The following NIBAN3 variants were observed in gnomAD, a reference collection of about 807,000 sequenced individuals.
NIBAN3 encodes the protein protein Niban 3.
A neutral mutation model predicts 76.4 loss-of-function variants in NIBAN3; 66 were observed. The ratio of observed to expected loss-of-function variants is 0.86; its 90% CI spans 0.71 to 1.06. The LOEUF (loss-of-function observed/expected upper bound fraction) is 1.06. Among genes scored for constraint, NIBAN3 ranks in the 50% least tolerant of loss-of-function variants. The pLI, the probability that NIBAN3 is intolerant of heterozygous loss-of-function variation, is 0.00. For missense variants in NIBAN3, 808 were observed against 810.7 expected (o/e 1.00, Z 0.04); for synonymous variants, 360 against 355.2 (o/e 1.01, Z -0.15).
In NIBAN3 at chr19:17,540,547, C is replaced by A. The variant is rs1191389891; in HGVS notation, c.1135C>A (p.Arg379Ser). The A allele has an allele frequency of 3.2e-6, 5 of 1,557,222 alleles. No individual in the cohort carries two copies. The highest frequency in any genetic ancestry group is 4.3e-6 in the Non-Finnish European group (5 of 1,150,998). Reference protein sequence around the residue: ...QGMDRLSHRLRQSPSGTRLRR... With the variant: ...QGMDRLSHRLSQSPSGTRLRR... ...CATGGACCGACTGTCCCACCGCCTG[C>A]GCCAGAGCCCCTCAGGCACGCGGCT... Residue 379 changes from arginine to serine, a missense_variant, in exon 9 of 15, where the codon CGC becomes AGC. Transcript: ENST00000599164.
rs2075902776 is a variant in NIBAN3 at position 17,539,704 on chromosome 19, G to A, written c.918G>A (p.Thr306=). 1.3e-6 allele frequency: 2 copies of A among 1,550,414 alleles called. No homozygotes were observed. Among genetic ancestry groups the A allele is most frequent in the Non-Finnish European group, 8.7e-7 (1 of 1,148,626 alleles). The change falls in exon 8 of 15, where the codon ACG becomes ACA. Residue 306 remains threonine, a synonymous_variant. Transcript: ENST00000599164. ...KDELLASLEK[T]IRPDVDQLLR... The stretch of plus-strand genomic sequence containing the variant: ...AGCTGCTTGCGTCGCTGGAGAAGAC[G>A]ATCCGCCCGGACGTGGACCAGCTGC...
At position 17,537,456 on chromosome 19, in the gene NIBAN3, C is replaced by T. The variant is rs148620566; in HGVS notation, c.508C>T (p.Arg170Trp). 5.6e-5 allele frequency: 91 copies of T among 1,613,846 alleles called. 1 individual carries two copies. Among genetic ancestry groups the T allele is most frequent in the Middle Eastern group, 1.7e-4 (1 of 6,012 alleles). ...GCTGTTCCTGCAGCACCCCTTCCGC[C>T]GGCACCTCTGCTTCTCTGCAGCCAC... ...FPLFLQHPFR[R>W]HLCFSAATRE... is the part of the protein sequence containing the mutation. The change falls in exon 5 of 15, where the codon CGG (arginine) becomes TGG (tryptophan). Residue 170 changes from arginine (R) to tryptophan (W), a missense_variant. Physicochemically the swap from Arg to Trp is moderately radical, Grantham distance 101 (BLOSUM62 -3). Transcript: ENST00000599164.
At chr19:17,533,340 G>A (rs2144690859) in intron 3 of NIBAN3, 4 of 392,520 alleles carry the variant, frequency 1.0e-5, no homozygotes, top group East Asian at 4.7e-5. Context: ...AACTTGGGAG[G>A]TGGAGGTTGC....
At chr19:17,536,490 G>A (rs1599725940) in intron 4 of NIBAN3, among the ~76,000 whole-genome samples, 1 of 152,138 alleles carries the variant, frequency 6.6e-6, no homozygotes, top group East Asian at 1.9e-4. Flanking sequence ...CGCCTGGCCT[G>A]GATTGTTGGG....
intron 13 of NIBAN3, among the ~76,000 whole-genome samples, chr19:17,548,761 A>T (rs1449566303): frequency 6.6e-6 from 1 of 152,068 alleles, no homozygotes; most frequent in Non-Finnish European, 1.5e-5. Context: ...CCCCGTCTCT[A>T]CTAAAAATAC....
At chr19:17,550,265 T>C (rs1193801810) in intron 14 of NIBAN3, among the ~76,000 whole-genome samples, 1 of 152,174 alleles carries the variant, frequency 6.6e-6, no homozygotes, top group Non-Finnish European at 1.5e-5. Flanking sequence ...ATTTGGGGGA[T>C]AATTTTTTTA....
rs183802784 is a variant in NIBAN3 at position 17,542,711 on chromosome 19, G to T, written c.1329+417G>T. On this transcript the variant is annotated intron_variant, in intron 10 of 14. Coordinates refer to ENST00000599164, the MANE Select transcript of NIBAN3 (RefSeq NM_001321827.2). This position sits in a 1 kb window ranked among gnomAD's most constrained non-coding sequence, Gnocchi z 4.8. ...GATCGCGCAGTGCCTTGAGCGTGGG[G>T]CTAAGGGGTGAGCTCTTTCCTGAGG... is the stretch of plus-strand genomic sequence containing the variant. Among the ~76,000 whole-genome samples the T allele has an allele frequency of 4.5e-4, 68 of 152,312 alleles. 1 individual carries two copies. The highest frequency in any genetic ancestry group is 1.6e-3 in the African/African-American group (65 of 41,560).
At chr19:17,527,161 G>GTA, upstream of NIBAN3, 1 of 1,502,606 alleles carries the variant, frequency 6.7e-7, no homozygotes, top group East Asian at 2.5e-5. Context: ...CACTGGCTCT[G>GTA]GGCAACACGG....
At chr19:17,538,133 G>C (rs1402490828) in intron 5 of NIBAN3, among the ~76,000 whole-genome samples, 2 of 151,656 alleles carry the variant, frequency 1.3e-5, no homozygotes, top group African/African-American at 4.8e-5. Context: ...TGAAGGACTA[G>C]CCGCTGGGCG....
upstream of NIBAN3, among the ~76,000 whole-genome samples, chr19:17,524,597 A>G (rs1197299737): frequency 1.3e-5 from 2 of 152,184 alleles, no homozygotes; most frequent in Admixed American, 1.3e-4. Flanking sequence ...AAAAACATAA[A>G]TTTTTTTAAA....
intron 5 of NIBAN3, among the ~76,000 whole-genome samples, chr19:17,538,272 C>T (rs1047450614): frequency 2.7e-5 from 4 of 150,822 alleles, no homozygotes; most frequent in East Asian, 4.0e-4. Context: ...AAAAATTAGC[C>T]GAGCGTGGTG....
rs138526761 is a variant in NIBAN3, at chr19:17,553,515, C to G, written c.*1617C>G. On this transcript the variant is annotated 3_prime_UTR_variant, in exon 15 of 15. Transcript: ENST00000599164. ...AGGGACTTTCACACTCCCTGGAGAC[C>G]GTTTCCTCCCATTCTGTCTGGAGTT... 6.2e-7 allele frequency: 1 copy of G among 1,614,072 alleles called. No individual in the cohort carries two copies. The highest frequency in any genetic ancestry group is 1.3e-5 in the African/African-American group (1 of 74,918).
intron 12 of NIBAN3, chr19:17,545,404 AAG>A (rs914535273): frequency 5.7e-6 from 1 of 176,896 alleles, no homozygotes; most frequent in African/African-American, 2.4e-5. Flanking sequence ...GTGCAGAGAC[AAG>A]AGAGTGTAGA....
chr19:17,535,351 C>T (rs546479798), intron 4 of NIBAN3, among the ~76,000 whole-genome samples: 8 of 152,248 alleles, frequency 5.3e-5, no homozygotes, highest in African/African-American at 1.4e-4. Context: ...AAGGCAGAGG[C>T]GGGAGGATCA....
chr19:17,546,810 C>T lies in NIBAN3; in HGVS notation c.1666+13C>T. 1 of 1,581,178 alleles carries T rather than the reference C, an allele frequency of 6.3e-7. No individual in the cohort carries two copies. The highest frequency in any genetic ancestry group is 8.6e-7 in the Non-Finnish European group (1 of 1,164,384). On this transcript the variant is annotated intron_variant, in intron 13 of 14. Transcript: ENST00000599164. ...AGGATTGACCAAGGTGAGTCCCGCC[C>T]TGCCATGGCTCAGAGGAGCCTGGCG...
rs1901955601 is a variant in NIBAN3, at chr19:17,540,424, C to T, written c.1012C>T (p.Arg338Cys). 6.6e-7 allele frequency: 1 copy of T among 1,526,268 alleles called. No individual in the cohort carries two copies. The highest frequency in any genetic ancestry group is 8.8e-7 in the Non-Finnish European group (1 of 1,134,748). 94.5% of individuals were successfully genotyped at this position (1,526,268 alleles called of 1,614,324 possible). Residue 338 changes from arginine to cysteine, a missense_variant, in exon 9 of 15, where the codon CGC becomes TGC. Arg to Cys is a radical substitution (Grantham distance 180). Coordinates refer to ENST00000599164, the MANE Select transcript of NIBAN3 (RefSeq NM_001321827.2). ...DIRGPLESCL[R>C]REVDPQLPRV... is the part of the protein sequence containing the mutation. ...CAGGGGACCGCTCGAGTCGTGCCTG[C>T]GCCGGGAGGTGGACCCGCAGCTGCC...
chr19:17,543,857 T>G, intron 12 of NIBAN3: 1 of 339,572 alleles, frequency 2.9e-6, no homozygotes, highest in Non-Finnish European at 5.5e-6. Flanking sequence ...CCAGGCATGG[T>G]GATGGGCGCC....
chr19:17,540,517 C>A lies in NIBAN3; in HGVS notation c.1105C>A (p.Gln369Lys). The A allele has an allele frequency of 1.3e-6, 2 of 1,594,986 alleles. No homozygotes were observed. Among genetic ancestry groups the A allele is most frequent in the Non-Finnish European group, 1.7e-6 (2 of 1,171,102 alleles). The change falls in exon 9 of 15, where the codon CAA becomes AAA. Residue 369 changes from glutamine to lysine, a missense_variant. Transcript: ENST00000599164. The part of the protein sequence containing the change: ...SLEAVRTLLA[Q>K]GMDRLSHRLR... ...CGAGGCGGTGCGGACCCTCCTGGCT[C>A]AAGGCATGGACCGACTGTCCCACCG...
chr19:17,540,119 C>A (rs1345920991), intron 8 of NIBAN3: 8 of 171,836 alleles, frequency 4.7e-5, no homozygotes, highest in Admixed American at 2.8e-4. Context: ...CGGGCCAATG[C>A]GGGTGGGCGG....
Sources: gnomAD v4.1 joint callset for allele counts (sites outside exome capture counted in the v4.1 genomes callset) on GRCh38, gnomAD v4.1.1 for gene constraint, Gnocchi (gnomAD v3.1) non-coding constraint, MANE v1.5 for transcripts, NCBI Gene and HGNC (gene_info 2026-07-23, HGNC 2026-07-21) for gene names.